Variants in SRRM3 observed in about 807,000 individuals in gnomAD.
SRRM3 encodes the protein serine/arginine repetitive matrix protein 3.
Under a neutral mutation model 66.2 loss-of-function variants are expected in SRRM3, and 27 were observed. That is an observed-to-expected ratio of 0.41 (90% confidence interval 0.30 to 0.56). SRRM3 has a LOEUF of 0.56. Ranked by LOEUF, SRRM3 falls within the 20% of genes least tolerant of loss-of-function variation. The probability of loss-of-function intolerance (pLI) is 0.32; values close to 1 mark genes in which losing one functional copy is unlikely to be tolerated. For synonymous variants in SRRM3, 391 were observed against 414.9 expected (o/e 0.94, Z 0.70); for missense variants, 918 against 991.9 (o/e 0.93, Z 1.00).
At chr7:76,215,818 G>A (rs1184313185) in intron 1 of SRRM3, among the ~76,000 whole-genome samples, 2 of 119,258 alleles carry the variant, frequency 1.7e-5, no homozygotes, top group South Asian at 2.7e-4. Context: ...TTTTTTTTGA[G>A]ACAGAGTCTC....
chr7:76,251,732 C>G (rs1554606921), intron 3 of SRRM3, among the ~76,000 whole-genome samples: 1 of 151,944 alleles, frequency 6.6e-6, no homozygotes, highest in South Asian at 2.1e-4. Context: ...GAGTTCCAGA[C>G]CAGCCTGGGC....
At chr7:76,275,116 A>AAAAAAG (rs1802310273) in intron 11 of SRRM3, among the ~76,000 whole-genome samples, 1 of 151,642 alleles carries the variant, frequency 6.6e-6, no homozygotes, top group Non-Finnish European at 1.5e-5. Flanking sequence ...AAAAAAAAAA[A>AAAAAAG]AAAAAGAAAA....
intron 2 of SRRM3, among the ~76,000 whole-genome samples, chr7:76,236,147 C>A (rs1320158246): frequency 1.3e-5 from 2 of 150,698 alleles, no homozygotes; most frequent in East Asian, 2.0e-4. Flanking sequence ...CCCGTCTTTA[C>A]TGAAAATACA....
intron 1 of SRRM3, among the ~76,000 whole-genome samples, chr7:76,225,009 G>A (rs889807926): frequency 6.6e-6 from 1 of 152,038 alleles, no homozygotes; most frequent in African/African-American, 2.4e-5. Context: ...CCTTCGCCCC[G>A]GTCTATTACC....
intron 1 of SRRM3, among the ~76,000 whole-genome samples, chr7:76,234,276 C>A (rs1162225664): frequency 6.6e-6 from 1 of 151,416 alleles, no homozygotes; most frequent in Non-Finnish European, 1.5e-5. Flanking sequence ...TAGCTCCAAG[C>A]CAAGTTGACT....
chr7:76,275,315 A>C (rs1044030169), intron 11 of SRRM3, among the ~76,000 whole-genome samples: 4 of 151,624 alleles, frequency 2.6e-5, no homozygotes, highest in Non-Finnish European at 5.9e-5. Context: ...GCAGACAGCA[A>C]GTGGCTCTTG....
At chr7:76,208,693 G>C (rs1340857052) in intron 1 of SRRM3, among the ~76,000 whole-genome samples, 1 of 151,942 alleles carries the variant, frequency 6.6e-6, no homozygotes, top group Non-Finnish European at 1.5e-5. Context: ...AAATTAGCCA[G>C]GCCTGGTGGA....
rs1288242292 is a variant in SRRM3, at chr7:76,265,851, TATATATA to T, written c.830+384_830+390del. Among the ~76,000 whole-genome samples the T allele has an allele frequency of 8.3e-3, 108 of 13,068 alleles. 6 individuals carry two copies. The highest frequency in any genetic ancestry group is 0.01 in the Non-Finnish European group (101 of 9,924). The allele number at this position is 13,068 out of a possible 152,430, so 8.6% of individuals were successfully genotyped here. On this transcript the variant is annotated intron_variant, in intron 10 of 14. Transcript: ENST00000611745. ...ATTTATATATATATATATATATATA[TATATATA>T]TTTTTTTTTTTTTTTTTTTTTTTTT...
At chr7:76,257,939 C>G (rs1433181150) in intron 3 of SRRM3, among the ~76,000 whole-genome samples, 1 of 152,068 alleles carries the variant, frequency 6.6e-6, no homozygotes, top group Non-Finnish European at 1.5e-5. Flanking sequence ...GCAGGATGAG[C>G]CCTTGTCTGG....
chr7:76,270,096 G>A (rs1554610345), intron 11 of SRRM3: 1 of 152,206 alleles, frequency 6.6e-6, no homozygotes, highest in Admixed American at 6.6e-5. Context: ...ATTAACTATA[G>A]TGGTGCAGCC....
At chr7:76,253,607 C>A (rs1377697496) in intron 3 of SRRM3, among the ~76,000 whole-genome samples, 1 of 150,522 alleles carries the variant, frequency 6.6e-6, no homozygotes, top group African/African-American at 2.5e-5. Context: ...GGTGACAGAG[C>A]GACACTCCGT....
chr7:76,209,731 AGTGGCTGGGACGACAGGCAT>A (rs1238137437), intron 1 of SRRM3, among the ~76,000 whole-genome samples: 1 of 151,890 alleles, frequency 6.6e-6, no homozygotes, highest in African/African-American at 2.4e-5. Flanking sequence ...CAGCCTTCCA[AGTGGCTGGGACGACAGGCAT>A]GTGCCACCAC....
intron 3 of SRRM3, among the ~76,000 whole-genome samples, chr7:76,255,379 C>T (rs1358021402): frequency 1.3e-5 from 2 of 151,968 alleles, no homozygotes; most frequent in Admixed American, 6.6e-5. Context: ...GAACTCCCGA[C>T]CTCAGGTGAT....
intron 1 of SRRM3, among the ~76,000 whole-genome samples, chr7:76,230,434 G>A (rs1234003308): frequency 1.3e-5 from 2 of 152,080 alleles, no homozygotes; most frequent in African/African-American, 4.8e-5. Context: ...AAGATCACTT[G>A]AGCCCAGGAG....
intron 1 of SRRM3, among the ~76,000 whole-genome samples, chr7:76,230,957 C>T (rs963200500): frequency 2.6e-5 from 4 of 151,734 alleles, no homozygotes; most frequent in Non-Finnish European, 5.9e-5. Context: ...CACCATGTTG[C>T]CCAGGCTGGT....
At chr7:76,209,403 C>T (rs1467488640) in intron 1 of SRRM3, among the ~76,000 whole-genome samples, 1 of 152,046 alleles carries the variant, frequency 6.6e-6, no homozygotes. Flanking sequence ...TTCAGTTGGG[C>T]CTCAAAGAAT....
chr7:76,226,770 T>C (rs1275213744), intron 1 of SRRM3, among the ~76,000 whole-genome samples: 1 of 152,122 alleles, frequency 6.6e-6, no homozygotes, highest in Non-Finnish European at 1.5e-5. Flanking sequence ...TTTGTATTTT[T>C]AGTAGAGACA....
intron 3 of SRRM3, among the ~76,000 whole-genome samples, chr7:76,254,962 G>A (rs1360831481): frequency 1.3e-5 from 2 of 151,930 alleles, no homozygotes; most frequent in Non-Finnish European, 2.9e-5. Context: ...GGGATGACAT[G>A]AGCCTCTCCT....
Position 76,232,347 on chromosome 7 carries a change from C to A in SRRM3, c.-39-2681C>A, listed in dbSNP as rs571344446. ...AAGACCAGCCTGGCCACGAGGAGGG[C>A]AGATCACTTGAGGTCAGAGTTCAAG... On this transcript the variant is annotated intron_variant, in intron 1 of 14. Coordinates refer to ENST00000611745, the MANE Select transcript of SRRM3 (RefSeq NM_001110199.3). Among the ~76,000 whole-genome samples the A allele has an allele frequency of 3.3e-5, 5 of 151,944 alleles. No homozygotes were observed. The South Asian group carries it at 1.0e-3, about 32-fold the overall frequency.
Sources: allele counts gnomAD v4.1 joint callset (sites outside exome capture counted in the v4.1 genomes callset), GRCh38; gene constraint gnomAD v4.1.1; transcripts MANE v1.5; gene names NCBI Gene and HGNC (gene_info 2026-07-23, HGNC 2026-07-21).